Variants in PRELID2 observed in about 807,000 individuals in gnomAD.
PRELID2 encodes PRELI domain containing 2.
PRELID2 carries 25 observed loss-of-function variants against 28.4 expected under a neutral mutation model. That is an observed-to-expected ratio of 0.88 (90% confidence interval 0.64 to 1.23). PRELID2 has a LOEUF of 1.23. PRELID2 is among the 50% of genes most tolerant of loss of function. The pLI, the probability that PRELID2 is intolerant of heterozygous loss-of-function variation, is 0.00. For missense variants in PRELID2, 201 were observed against 214.4 expected (o/e 0.94, Z 0.39); for synonymous variants, 76 against 71.6 (o/e 1.06, Z -0.31).
intron 1 of PRELID2, among the ~76,000 whole-genome samples, chr5:145,549,708 T>C (rs1752817453): frequency 6.6e-6 from 1 of 151,370 alleles, no homozygotes; most frequent in Non-Finnish European, 1.5e-5. Context: ...GGCAGGAGAA[T>C]GGCATGAACC....
At chr5:145,425,332 T>C in the PRELID2 span, among the ~76,000 whole-genome samples, 2 of 152,190 alleles carry the variant, frequency 1.3e-5, no homozygotes, top group Non-Finnish European at 2.9e-5. Context: ...TCAACTATTA[T>C]AGAAGACAGT....
the PRELID2 span, among the ~76,000 whole-genome samples, chr5:145,340,574 T>A: frequency 3.3e-4 from 50 of 151,862 alleles, no homozygotes; most frequent in East Asian, 9.4e-3. Flanking sequence ...TCAAGATCAG[T>A]CTGAACAACA....
intron 1 of PRELID2, among the ~76,000 whole-genome samples, chr5:145,731,448 C>A (rs1756343379): frequency 6.6e-6 from 1 of 152,176 alleles, no homozygotes; most frequent in African/African-American, 2.4e-5. Flanking sequence ...ACTCTTCATT[C>A]CAAATTGTTA....
chr5:145,462,760 G>A, the PRELID2 span, among the ~76,000 whole-genome samples: 3 of 152,140 alleles, frequency 2.0e-5, no homozygotes, highest in Admixed American at 6.5e-5. Flanking sequence ...ACTGTCTACC[G>A]AAGGCGACAC....
chr5:145,648,916 A>T lies in PRELID2; in HGVS notation n.70+116015T>A, dbSNP rs189883768. 2.0e-5 allele frequency among the ~76,000 whole-genome samples: 3 copies of T among 151,848 alleles called. No homozygotes were observed. In the East Asian group the frequency reaches 5.8e-4, roughly 29 times the overall value. On this transcript the variant is annotated intron_variant and non_coding_transcript_variant, in intron 1 of 2. Transcript: ENST00000510259. ...CAACTTAACAATGGTTCAATTTCTG[A>T]TTTTTCCACTTTATGATGCTGTGAG...
At chr5:145,695,233 T>G (rs568036318) in intron 1 of PRELID2, among the ~76,000 whole-genome samples, 1 of 152,278 alleles carries the variant, frequency 6.6e-6, no homozygotes, top group Admixed American at 6.5e-5. Context: ...GTGACATGAA[T>G]GCCAAGACCT....
At chr5:145,518,860 A>G (rs1752541030) in intron 1 of PRELID2, among the ~76,000 whole-genome samples, 1 of 152,230 alleles carries the variant, frequency 6.6e-6, no homozygotes, top group Non-Finnish European at 1.5e-5. Flanking sequence ...ATCCCTTACA[A>G]TGAAGGTTTA....
chr5:145,423,978 T>A, the PRELID2 span, among the ~76,000 whole-genome samples: 1 of 151,734 alleles, frequency 6.6e-6, no homozygotes, highest in Non-Finnish European at 1.5e-5. Context: ...GCTGCAGGTC[T>A]GTTGGAGTAC....
the PRELID2 span, among the ~76,000 whole-genome samples, chr5:145,402,969 A>G: frequency 1.3e-5 from 2 of 152,156 alleles, no homozygotes; most frequent in Admixed American, 6.6e-5. Flanking sequence ...GAGTCCAAAG[A>G]CCAACTCCTC....
intron 1 of PRELID2, among the ~76,000 whole-genome samples, chr5:145,696,802 C>T (rs1437296790): frequency 2.0e-5 from 3 of 151,886 alleles, no homozygotes. Context: ...CAGTTCTTAA[C>T]ATTCCCAGCA....
At chr5:145,281,447 C>T in the PRELID2 span, among the ~76,000 whole-genome samples, 1 of 152,140 alleles carries the variant, frequency 6.6e-6, no homozygotes, top group African/African-American at 2.4e-5. Context: ...CTGTGCACAA[C>T]CAATTTAAGC....
At chr5:145,240,490 T>A in the PRELID2 span, among the ~76,000 whole-genome samples, 1 of 152,046 alleles carries the variant, frequency 6.6e-6, no homozygotes, top group Non-Finnish European at 1.5e-5. Flanking sequence ...TAAGTATCCA[T>A]GTGCATCCTC....
the PRELID2 span, among the ~76,000 whole-genome samples, chr5:145,319,531 TGTG>T: frequency 6.6e-6 from 1 of 151,578 alleles, no homozygotes; most frequent in East Asian, 1.9e-4. Context: ...ATTAGCCAGG[TGTG>T]GTGATGGGCG....
At chr5:145,684,524 G>A (rs1754998987) in intron 1 of PRELID2, among the ~76,000 whole-genome samples, 1 of 152,194 alleles carries the variant, frequency 6.6e-6, no homozygotes, top group Admixed American at 6.5e-5. Context: ...GCTTGCCCAT[G>A]TGCAGGCACT....
At chr5:145,765,276 A>G (rs1425757227) in intron 5 of PRELID2, among the ~76,000 whole-genome samples, 1 of 152,258 alleles carries the variant, frequency 6.6e-6, no homozygotes, top group East Asian at 1.9e-4. Flanking sequence ...GAGTAGTTAA[A>G]TAACTTCTTG....
chr5:145,747,835 G>A (rs1413726224), intron 1 of PRELID2, among the ~76,000 whole-genome samples: 1 of 152,176 alleles, frequency 6.6e-6, no homozygotes, highest in African/African-American at 2.4e-5. Flanking sequence ...TCCTCCCTGG[G>A]ATGCAAGGCT....
intron 6 of PRELID2, among the ~76,000 whole-genome samples, chr5:145,763,362 AATTCCAAC>A (rs1315573196): frequency 6.6e-6 from 1 of 152,202 alleles, no homozygotes; most frequent in East Asian, 1.9e-4. Flanking sequence ...ATTTAGATTC[AATTCCAAC>A]ATTTATGAGC....
downstream of PRELID2, among the ~76,000 whole-genome samples, chr5:145,470,768 C>T (rs528585537): frequency 6.6e-5 from 10 of 152,080 alleles, no homozygotes; most frequent in Non-Finnish European, 1.3e-4. Flanking sequence ...AAGATCTGCA[C>T]AAGTCAGTTT....
the PRELID2 span, among the ~76,000 whole-genome samples, chr5:145,415,260 TTA>T: frequency 9.3e-5 from 14 of 151,344 alleles, no homozygotes; most frequent in Non-Finnish European, 1.6e-4. Context: ...GTTTTGTTTT[TTA>T]TTTTATTTTC....
Sources: allele counts gnomAD v4.1 joint callset (sites outside exome capture counted in the v4.1 genomes callset), GRCh38; gene constraint gnomAD v4.1.1; transcripts MANE v1.5; gene names NCBI Gene and HGNC (gene_info 2026-07-23, HGNC 2026-07-21).